Variants in FBH1 observed in about 807,000 individuals in gnomAD.
FBH1 encodes F-box DNA helicase 1, also known as DNA 3'-5' helicase 1.
In FBH1, 43 loss-of-function variants were observed where a neutral mutation model predicts 115.5. That is an observed-to-expected ratio of 0.37 (90% confidence interval 0.29 to 0.48). The LOEUF (loss-of-function observed/expected upper bound fraction) is 0.48, where lower values mean the gene tolerates loss of function less well. FBH1 is among the 20% of genes least tolerant of loss of function. FBH1 has a pLI of 0.99. For synonymous variants in FBH1, 524 were observed against 507.8 expected (o/e 1.03, Z -0.43); for missense variants, 1,001 against 1,337.3 (o/e 0.75, Z 3.92).
rs1298262764 is a variant in FBH1 at position 5,899,145 on chromosome 10, C to T, written c.2-3875C>T. The stretch of plus-strand genomic sequence containing the variant: ...TTTGGGTGGGCATCAGACCCTTCAA[C>T]TGAGCCTGATTTTCTCACTGGTTAT... On this transcript the variant is annotated intron_variant, in intron 1 of 20. Coordinates refer to ENST00000362091, the MANE Select transcript of FBH1 (RefSeq NM_178150.3). 3.3e-5 allele frequency among the ~76,000 whole-genome samples: 5 copies of T among 152,322 alleles called. No individual in the cohort carries two copies. In the East Asian group the frequency reaches 9.6e-4, roughly 29 times the overall value.
rs761484939 is a variant in FBH1, at chr10:5,909,292, G to A, written c.1018G>A (p.Gly340Arg). 10 of 1,608,872 alleles carry A rather than the reference G, an allele frequency of 6.2e-6. No individual in the cohort carries two copies. The highest frequency in any genetic ancestry group is 3.3e-5 in the Admixed American group (2 of 59,978). ...QHLPDLYAAA[G>R]GVNIWALVAA... ...CCTCCCCGACCTCTACGCTGCTGCC[G>A]GGGTAGGTCTGGAGGCTGCGGGAGA... Residue 340 changes from glycine to arginine, a missense_variant and splice_region_variant, in exon 5 of 21, where the codon GGG (glycine) becomes AGG (arginine). Transcript: ENST00000362091. The surrounding 1 kb of genome is among the most constrained non-coding windows in gnomAD (Gnocchi z 4.4).
At position 5,909,511 on chromosome 10, in the gene FBH1, C is replaced by A; in HGVS notation, c.1020+217C>A. On this transcript the variant is annotated intron_variant, in intron 5 of 20. Coordinates refer to ENST00000362091, the MANE Select transcript of FBH1 (RefSeq NM_178150.3). This position sits in a 1 kb window ranked among gnomAD's most constrained non-coding sequence, Gnocchi z 4.4. ...AGATGTAGATGAAATTTTAACAAATCATTTAGTCTGATTTCCCATTTGGTT... is the reference window on the plus strand; with the variant it reads ...AGATGTAGATGAAATTTTAACAAATAATTTAGTCTGATTTCCCATTTGGTT... 2.0e-6 allele frequency: 1 copy of A among 502,452 alleles called. No individual in the cohort carries two copies. Among genetic ancestry groups the A allele is most frequent in the Non-Finnish European group, 3.4e-6 (1 of 298,316 alleles). 31.1% of individuals were successfully genotyped at this position (502,452 alleles called of 1,614,324 possible). A position where few individuals can be genotyped will look rare whatever the true frequency, so the allele number is the denominator to read the frequency against.
intron 18 of FBH1, 37 bp from the exon 19 acceptor site, chr10:5,927,398 C>A (rs956074501): frequency 3.3e-6 from 5 of 1,494,472 alleles, no homozygotes; most frequent in Non-Finnish European, 4.6e-6. Context: ...TTTTCTAAGG[C>A]TTTTTAGTTG....
chr10:5,931,971 C>T lies in FBH1; in HGVS notation c.2829+4430C>T, dbSNP rs1832994795. On this transcript the variant is annotated intron_variant, in intron 19 of 20. Transcript: ENST00000362091. This position sits in a 1 kb window ranked among gnomAD's most constrained non-coding sequence, Gnocchi z 4.3. ...TCAGCCTGGCCAACATGGCAAAACCCTGTCTCTACCAAAAAATACAGAAAA... is the reference window on the plus strand; with the variant it reads ...TCAGCCTGGCCAACATGGCAAAACCTTGTCTCTACCAAAAAATACAGAAAA... Among the ~76,000 whole-genome samples the T allele has an allele frequency of 6.6e-6, 1 of 152,188 alleles. No individual in the cohort carries two copies. Among genetic ancestry groups the T allele is most frequent in the Non-Finnish European group, 1.5e-5 (1 of 68,036 alleles).
At position 5,916,292 on chromosome 10, in the gene FBH1, G is replaced by A. The variant is rs758520739; in HGVS notation, c.1624G>A (p.Val542Ile). 34 of 1,614,094 alleles carry A rather than the reference G, an allele frequency of 2.1e-5. No individual in the cohort carries two copies. Among genetic ancestry groups the A allele is most frequent in the African/African-American group, 6.7e-5 (5 of 74,930 alleles). The change falls in exon 10 of 21, where the codon GTC becomes ATC. Residue 542 changes from valine (V) to isoleucine (I), a missense_variant. This residue lies in a region of FBH1 where 521 missense variants were observed against 811.0 expected (regional missense o/e 0.64). Coordinates refer to ENST00000362091, the MANE Select transcript of FBH1 (RefSeq NM_178150.3). ...FKLTPFMVNSVLAEGKGGFIR... is the reference protein window; with the variant it reads ...FKLTPFMVNSILAEGKGGFIR... ...GTTAACACCCTTCATGGTCAACTCC[G>A]TCCTTGCTGAAGGGAAGGGTGGATT...
intron 19 of FBH1, among the ~76,000 whole-genome samples, chr10:5,930,119 A>G (rs1832885968): frequency 6.6e-6 from 1 of 152,304 alleles, no homozygotes; most frequent in African/African-American, 2.4e-5. Flanking sequence ...TCATATACAA[A>G]TCATACCTAT....
At chr10:5,926,230 C>T (rs897501620) in intron 18 of FBH1, among the ~76,000 whole-genome samples, 1 of 152,184 alleles carries the variant, frequency 6.6e-6, no homozygotes, top group African/African-American at 2.4e-5. Context: ...AAGTGATTCT[C>T]CTGCCTCAGA....
Position 5,918,597 on chromosome 10 carries a change from A to G in FBH1, c.2100+119A>G, listed in dbSNP as rs2132027867. On this transcript the variant is annotated intron_variant, in intron 13 of 20. Coordinates refer to ENST00000362091, the MANE Select transcript of FBH1 (RefSeq NM_178150.3). The surrounding 1 kb of genome is among the most constrained non-coding windows in gnomAD (Gnocchi z 4.0). ...TCTAGCAAATCCTTGCTTCTAAGCC[A>G]TGGTTCTCAAAGTGTGGTTCTCAGG... 2 of 1,302,012 alleles carry G rather than the reference A, an allele frequency of 1.5e-6. No individual in the cohort carries two copies. The highest frequency in any genetic ancestry group is 2.0e-6 in the Non-Finnish European group (2 of 987,532). The allele number at this position is 1,302,012 out of a possible 1,614,324, so 80.7% of individuals were successfully genotyped here. A position where few individuals can be genotyped will look rare whatever the true frequency, so the allele number is the denominator to read the frequency against.
intron 1 of FBH1, among the ~76,000 whole-genome samples, chr10:5,898,632 A>G (rs568306028): frequency 6.6e-6 from 1 of 151,094 alleles, no homozygotes; most frequent in Non-Finnish European, 1.5e-5. Context: ...CTGGTCTTGA[A>G]CTCTAGACCT....
At position 5,924,863 on chromosome 10, in the gene FBH1, G is replaced by A. The variant is rs1832546133; in HGVS notation, c.2596+355G>A. 1 of 402,634 alleles carries A rather than the reference G, an allele frequency of 2.5e-6. No individual in the cohort carries two copies. Among genetic ancestry groups the A allele is most frequent in the Admixed American group, 3.1e-5 (1 of 32,396 alleles). 24.9% of individuals were successfully genotyped at this position (402,634 alleles called of 1,614,324 possible). A position where few individuals can be genotyped will look rare whatever the true frequency, so the allele number is the denominator to read the frequency against. The stretch of plus-strand genomic sequence containing the variant: ...TTACAGGCGTGAGCCACTGCGCCCA[G>A]CCTCTTCTGCTGTTTCTTCCCTGTG... On this transcript the variant is annotated intron_variant, in intron 17 of 20. Coordinates refer to ENST00000362091, the MANE Select transcript of FBH1 (RefSeq NM_178150.3). The surrounding 1 kb of genome is among the most constrained non-coding windows in gnomAD (Gnocchi z 6.2).
At position 5,915,941 on chromosome 10, in the gene FBH1, G is replaced by A; in HGVS notation, c.1566-293G>A. On this transcript the variant is annotated intron_variant, in intron 9 of 20. Coordinates refer to ENST00000362091, the MANE Select transcript of FBH1 (RefSeq NM_178150.3). The surrounding 1 kb of genome is among the most constrained non-coding windows in gnomAD (Gnocchi z 5.2). ...TTGACCCAGGTCTCCTGGATGTAGA[G>A]GCATCAGGGAACTCCAAGGGTCCCT... The A allele has an allele frequency of 2.1e-6, 1 of 481,716 alleles. No homozygotes were observed. The allele number at this position is 481,716 out of a possible 1,614,324, so 29.8% of individuals were successfully genotyped here.
chr10:5,916,721 C>T (rs1216820739), intron 10 of FBH1, among the ~76,000 whole-genome samples: 4 of 151,518 alleles, frequency 2.6e-5, no homozygotes, highest in Non-Finnish European at 4.4e-5. Flanking sequence ...TGTTAGGGAT[C>T]TGAGGATGGG....
Position 5,910,948 on chromosome 10 carries a change from T to C in FBH1, c.1031T>C (p.Ile344Thr). 6.2e-7 allele frequency: 1 copy of C among 1,610,028 alleles called. No individual in the cohort carries two copies. The highest frequency in any genetic ancestry group is 8.5e-7 in the Non-Finnish European group (1 of 1,179,414). Residue 344 changes from isoleucine to threonine, a missense_variant, in exon 6 of 21, where the codon ATC becomes ACC. Coordinates refer to ENST00000362091, the MANE Select transcript of FBH1 (RefSeq NM_178150.3). The surrounding 1 kb of genome is among the most constrained non-coding windows in gnomAD (Gnocchi z 4.8). ...GCACCTGGCTTGCAGGGTGTCAACA[T>C]CTGGGCCCTGGTGGCGGCTGTGGTG... is the stretch of plus-strand genomic sequence containing the variant. ...DLYAAAGGVNIWALVAAVVLL... is the reference protein window; with the variant it reads ...DLYAAAGGVNTWALVAAVVLL...
chr10:5,919,998 G>T (rs775513873), intron 13 of FBH1, among the ~76,000 whole-genome samples: 3 of 152,160 alleles, frequency 2.0e-5, no homozygotes, highest in Non-Finnish European at 4.4e-5. Context: ...GAAGTCCATG[G>T]TTCATTTGCA....
chr10:5,892,077 G>T (rs1208179487), intron 1 of FBH1, among the ~76,000 whole-genome samples: 1 of 152,164 alleles, frequency 6.6e-6, no homozygotes, highest in Non-Finnish European at 1.5e-5. Flanking sequence ...GATTTTCTGG[G>T]CAAAAGCTTG....
intron 19 of FBH1, 47 bp downstream of exon 19, chr10:5,927,588 A>G (rs1299167908): frequency 6.7e-7 from 1 of 1,494,284 alleles, no homozygotes; most frequent in South Asian, 1.2e-5. Flanking sequence ...ATTGAATGTT[A>G]TTTAGTCTGC....
In FBH1 at chr10:5,897,597, G is replaced by A. The variant is rs577254957; in HGVS notation, c.2-5423G>A. ...ATCCAATAAAAGTACCAGCTCTCCC[G>A]CCAGCCAAACTATGGCTGGTAACGC... is the stretch of plus-strand genomic sequence containing the variant. On this transcript the variant is annotated intron_variant, in intron 1 of 20. Transcript: ENST00000362091. The surrounding 1 kb of genome is among the most constrained non-coding windows in gnomAD (Gnocchi z 4.7). Among the ~76,000 whole-genome samples, 1 of 152,284 alleles carries A rather than the reference G, an allele frequency of 6.6e-6. No homozygotes were observed. The highest frequency in any genetic ancestry group is 3.4e-3 in the Middle Eastern group (1 of 294).
chr10:5,892,337 C>T (rs1842781877), intron 1 of FBH1, among the ~76,000 whole-genome samples: 1 of 152,080 alleles, frequency 6.6e-6, no homozygotes, highest in Non-Finnish European at 1.5e-5. Flanking sequence ...TGACAGGTTT[C>T]GTGATTTGTG....
At chr10:5,905,842 C>G (rs567822702) in intron 2 of FBH1, among the ~76,000 whole-genome samples, 195 bp from the exon 3 acceptor site, 25 of 152,302 alleles carry the variant, frequency 1.6e-4, no homozygotes, top group African/African-American at 5.8e-4. Flanking sequence ...AAATGTGTGT[C>G]TGGTAATATG....
Sources: gnomAD v4.1 joint callset for allele counts (sites outside exome capture counted in the v4.1 genomes callset) on GRCh38, gnomAD v4.1.1 for gene constraint, gnomAD v4.1.1 regional missense constraint, Gnocchi (gnomAD v3.1) non-coding constraint, MANE v1.5 for transcripts, NCBI Gene and HGNC (gene_info 2026-07-23, HGNC 2026-07-21) for gene names.